Variants in AGAP1 observed in about 807,000 individuals in gnomAD.
AGAP1 encodes the protein arf-GAP with GTPase, ANK repeat and PH domain-containing protein 1.
AGAP1 carries 29 observed loss-of-function variants against 105.3 expected under a neutral mutation model. That is an observed-to-expected ratio of 0.28 (90% CI 0.21 to 0.38). AGAP1 has a LOEUF of 0.38. Ranked by LOEUF, AGAP1 falls within the 10% of genes least tolerant of loss-of-function variation. The pLI, the probability that AGAP1 is intolerant of heterozygous loss-of-function variation, is 1.00. For missense variants in AGAP1, 998 were observed against 1,165.1 expected, an observed-to-expected ratio of 0.86 and a Z score of 2.09; for synonymous variants, 509 against 485.9, an observed-to-expected ratio of 1.05 and a Z score of -0.63.
chr2:235,527,876 G>A (rs981032475), intron 1 of AGAP1, among the ~76,000 whole-genome samples: 1 of 152,138 alleles, frequency 6.6e-6, no homozygotes, highest in Non-Finnish European at 1.5e-5. Flanking sequence ...AAAGGTATCC[G>A]TAAAGCCTCA....
chr2:235,704,668 G>A (rs1220220817), intron 1 of AGAP1, among the ~76,000 whole-genome samples: 1 of 152,206 alleles, frequency 6.6e-6, no homozygotes, highest in South Asian at 2.1e-4. Flanking sequence ...CGATTTGAAG[G>A]TTCTGATTTC....
rs1316748089 is a variant in AGAP1 at position 235,614,773 on chromosome 2, G to GCGTTGGGTAC, written c.164-94404_164-94395dup. ...ATTCTTTTGTGGGAAATAGAACACA[G>GCGTTGGGTAC]CGTTGGGTACCAAGAGGGTGCTGTC... On this transcript the variant is annotated intron_variant, in intron 1 of 17. Coordinates refer to ENST00000304032, the MANE Select transcript of AGAP1 (RefSeq NM_001037131.3). The surrounding 1 kb of genome is among the most constrained non-coding windows in gnomAD (Gnocchi z 4.7). 7.9e-5 allele frequency among the ~76,000 whole-genome samples: 12 copies of GCGTTGGGTAC among 152,320 alleles called. No homozygotes were observed. The highest frequency in any genetic ancestry group is 2.9e-4 in the African/African-American group (12 of 41,572).
rs1442650143 is a variant in AGAP1 at position 236,114,258 on chromosome 2, G to A, written c.2115-5934G>A. Among the ~76,000 whole-genome samples the A allele has an allele frequency of 1.3e-5, 2 of 152,154 alleles. No homozygotes were observed. The highest frequency in any genetic ancestry group is 2.9e-5 in the Non-Finnish European group (2 of 68,038). ...AAAGGCTCAGCCAAGACAAGCCAGG[G>A]ATCCCAGAAGTAGAATTGCGGCCTC... On this transcript the variant is annotated intron_variant, in intron 16 of 17. Transcript: ENST00000304032. This position sits in a 1 kb window ranked among gnomAD's most constrained non-coding sequence, Gnocchi z 5.0.
chr2:235,521,772 G>T (rs1031993011), intron 1 of AGAP1, among the ~76,000 whole-genome samples: 2 of 151,736 alleles, frequency 1.3e-5, no homozygotes, highest in Admixed American at 6.6e-5. Context: ...GTGTGTGTGT[G>T]TGTGTGTGTT....
rs2052656883 is a variant in AGAP1 at position 235,930,261 on chromosome 2, C to G, written c.1325-504C>G. Among the ~76,000 whole-genome samples, 1 of 152,180 alleles carries G rather than the reference C, an allele frequency of 6.6e-6. No individual in the cohort carries two copies. The highest frequency in any genetic ancestry group is 2.1e-4 in the South Asian group (1 of 4,816). On this transcript the variant is annotated intron_variant, in intron 11 of 17. Coordinates refer to ENST00000304032, the MANE Select transcript of AGAP1 (RefSeq NM_001037131.3). This position sits in a 1 kb window ranked among gnomAD's most constrained non-coding sequence, Gnocchi z 7.9. ...AGCCTGCATTTCCTCCGTGTCGTGTCTAGGGACTTTGATTTGTGTTGATCA... is the reference window on the plus strand; with the variant it reads ...AGCCTGCATTTCCTCCGTGTCGTGTGTAGGGACTTTGATTTGTGTTGATCA...
At chr2:235,525,505 T>C (rs1238024156) in intron 1 of AGAP1, among the ~76,000 whole-genome samples, 1 of 152,076 alleles carries the variant, frequency 6.6e-6, no homozygotes, top group African/African-American at 2.4e-5. Context: ...ATACATAATG[T>C]GGAGGACTGA....
intron 1 of AGAP1, chr2:235,670,771 G>T: frequency 8.6e-7 from 1 of 1,166,244 alleles, no homozygotes; most frequent in Non-Finnish European, 1.2e-6. Flanking sequence ...ACGCGCTCTC[G>T]GACCTGGAGC....
intron 9 of AGAP1, among the ~76,000 whole-genome samples, chr2:235,809,456 G>A (rs1958014814): frequency 6.6e-6 from 1 of 152,110 alleles, no homozygotes; most frequent in African/African-American, 2.4e-5. Flanking sequence ...ATCCACACCT[G>A]TCCCAGCAAA....
At chr2:235,925,462 G>T (rs2052401233) in intron 11 of AGAP1, among the ~76,000 whole-genome samples, 1 of 152,106 alleles carries the variant, frequency 6.6e-6, no homozygotes, top group Non-Finnish European at 1.5e-5. Context: ...GGCATTACTG[G>T]GGCTGAGGGT....
At chr2:236,074,557 A>T (rs2058587930) in intron 16 of AGAP1, among the ~76,000 whole-genome samples, 1 of 152,220 alleles carries the variant, frequency 6.6e-6, no homozygotes, top group African/African-American at 2.4e-5. Flanking sequence ...GTCTCCATAA[A>T]ACCTAACATC....
chr2:235,740,708 A>AT lies in AGAP1; in HGVS notation c.311-253dup, dbSNP rs1253745655. 6.6e-6 allele frequency among the ~76,000 whole-genome samples: 1 copy of AT among 152,222 alleles called. No homozygotes were observed. Among genetic ancestry groups the AT allele is most frequent in the African/African-American group, 2.4e-5 (1 of 41,462 alleles). On this transcript the variant is annotated intron_variant, in intron 3 of 17. Transcript: ENST00000304032. This position sits in a 1 kb window ranked among gnomAD's most constrained non-coding sequence, Gnocchi z 5.7. ...AAGCCCACATGAGAAGTCCACACTAATTGGCCACGAGTGTCTGGCATTGCG... is the reference window on the plus strand; with the variant it reads ...AAGCCCACATGAGAAGTCCACACTAATTTGGCCACGAGTGTCTGGCATTGCG...
rs556195030 is a variant in AGAP1, at chr2:235,712,331, A to G, written c.222+3094A>G. 4.7e-4 allele frequency among the ~76,000 whole-genome samples: 71 copies of G among 152,182 alleles called. No individual in the cohort carries two copies. Among genetic ancestry groups the G allele is most frequent in the Non-Finnish European group, 9.3e-4 (63 of 68,036 alleles). On this transcript the variant is annotated intron_variant, in intron 2 of 17. Coordinates refer to ENST00000304032, the MANE Select transcript of AGAP1 (RefSeq NM_001037131.3). This position sits in a 1 kb window ranked among gnomAD's most constrained non-coding sequence, Gnocchi z 6.0. ...CTGCGCCCGGCCTGATGTTTTCTGA[A>G]GTTGTGCTGTGGTCAGATCGTCCAT...
At chr2:235,584,188 A>T in intron 1 of AGAP1, among the ~76,000 whole-genome samples, 1 of 127,280 alleles carries the variant, frequency 7.9e-6, no homozygotes, top group Non-Finnish European at 1.7e-5. Context: ...ACCCTCAATA[A>T]ACCACTTTTT....
At chr2:236,100,870 A>G (rs992059402) in intron 16 of AGAP1, among the ~76,000 whole-genome samples, 10 of 151,972 alleles carry the variant, frequency 6.6e-5, no homozygotes, top group Admixed American at 2.0e-4. Context: ...AAGAAAACCC[A>G]ACTGTTGTGC....
At chr2:235,802,772 ATGG>A (rs1957567134) in intron 8 of AGAP1, among the ~76,000 whole-genome samples, 1 of 136,408 alleles carries the variant, frequency 7.3e-6, no homozygotes, top group African/African-American at 2.8e-5. Flanking sequence ...GGTTGTGATG[ATGG>A]TTGTGGTTGT....
At chr2:235,591,311 C>A (rs1455138629) in intron 1 of AGAP1, among the ~76,000 whole-genome samples, 1 of 152,242 alleles carries the variant, frequency 6.6e-6, no homozygotes, top group Non-Finnish European at 1.5e-5. Flanking sequence ...CCACTGCGCC[C>A]AGCCCTGTTT....
In AGAP1 at chr2:235,967,402, C is replaced by G. The variant is rs1475087746; in HGVS notation, c.1484-1060C>G. 6.6e-6 allele frequency among the ~76,000 whole-genome samples: 1 copy of G among 152,122 alleles called. No individual in the cohort carries two copies. Among genetic ancestry groups the G allele is most frequent in the Non-Finnish European group, 1.5e-5 (1 of 68,044 alleles). On this transcript the variant is annotated intron_variant, in intron 12 of 17. Coordinates refer to ENST00000304032, the MANE Select transcript of AGAP1 (RefSeq NM_001037131.3). The surrounding 1 kb of genome is among the most constrained non-coding windows in gnomAD (Gnocchi z 4.7). ...TATTCGGTCTTTCCCATAACTCTTA[C>G]CAGCTTCTGATGGACTCCAGGTTCT...
intron 1 of AGAP1, among the ~76,000 whole-genome samples, chr2:235,649,456 C>A (rs768233011): frequency 2.6e-5 from 4 of 152,208 alleles, no homozygotes; most frequent in Non-Finnish European, 5.9e-5. Context: ...TCACTGCAAC[C>A]TCAACCCCCT....
chr2:235,667,626 G>A (rs1948168695), intron 1 of AGAP1, among the ~76,000 whole-genome samples: 1 of 152,048 alleles, frequency 6.6e-6, no homozygotes, highest in Non-Finnish European at 1.5e-5. Flanking sequence ...ATCCCGCCTG[G>A]CTGCTACTCT....
Sources: allele counts gnomAD v4.1 joint callset (sites outside exome capture counted in the v4.1 genomes callset), GRCh38; gene constraint gnomAD v4.1.1; non-coding constraint Gnocchi (gnomAD v3.1); transcripts MANE v1.5; gene names NCBI Gene and HGNC (gene_info 2026-07-23, HGNC 2026-07-21).